The following MPPED1 variants were observed in gnomAD, a reference collection of about 807,000 sequenced individuals.
MPPED1 encodes the protein metallophosphoesterase domain containing 1, also known as metallophosphoesterase domain-containing protein 1.
MPPED1 carries 16 observed loss-of-function variants against 36.2 expected under a neutral mutation model. The observed-to-expected ratio is 0.44, with a 90% CI of 0.30 to 0.67. The LOEUF is 0.67. Ranked by LOEUF, MPPED1 falls within the 30% of genes least tolerant of loss-of-function variation. MPPED1 has a pLI of 0.10. For synonymous variants in MPPED1, 199 were observed against 191.3 expected (o/e 1.04, Z -0.33); for missense variants, 307 against 453.4 (o/e 0.68, Z 2.93).
chr22:43,499,621 T>TGGC (rs1932568150), intron 5 of MPPED1, among the ~76,000 whole-genome samples: 2 of 65,342 alleles, frequency 3.1e-5, no homozygotes, highest in Admixed American at 1.9e-4. Context: ...GTGATGGTGG[T>TGGC]GGTGATGATG....
chr22:43,496,292 G>A (rs1237710649), intron 4 of MPPED1, among the ~76,000 whole-genome samples: 17 of 52,684 alleles, frequency 3.2e-4, no homozygotes, highest in East Asian at 7.1e-4. Context: ...GGTGGTGGAG[G>A]TGGTGGTGGA....
rs1169630021 is a variant in MPPED1, at chr22:43,471,325, C to A, written c.407-3411C>A. Among the ~76,000 whole-genome samples the A allele has an allele frequency of 2.0e-5, 3 of 152,216 alleles. No homozygotes were observed. The East Asian group carries it at 5.8e-4, about 29-fold the overall frequency. On this transcript the variant is annotated intron_variant, in intron 3 of 6. Transcript: ENST00000443721. ...AGGCAGCGATGGTGGCCACCCCCAACCCGAGCTGGGGGCTCTGGCTGCCTC... is the reference window on the plus strand; with the variant it reads ...AGGCAGCGATGGTGGCCACCCCCAAACCGAGCTGGGGGCTCTGGCTGCCTC...
chr22:43,421,649 G>T (rs1929279561), intron 1 of MPPED1, among the ~76,000 whole-genome samples: 1 of 152,210 alleles, frequency 6.6e-6, no homozygotes, highest in South Asian at 2.1e-4. Context: ...CCAAGCCTCT[G>T]CTGGGCACCA....
At chr22:43,462,764 T>C (rs892266196) in intron 3 of MPPED1, among the ~76,000 whole-genome samples, 2 of 152,170 alleles carry the variant, frequency 1.3e-5, no homozygotes, top group Admixed American at 1.3e-4. Flanking sequence ...CCTGCTCCCA[T>C]TGGGACTGAT....
Position 43,498,280 on chromosome 22 carries a change from A to G in MPPED1, c.678A>G (p.Gln226=). ...YGWGFNLPRG[Q]ALLEKWNLIP... ...GGGGCTTCAACCTCCCGCGAGGCCA[A>G]GCCCTGCTGGAGAAATGGAACCTCA... The change falls in exon 5 of 7, where the codon CAA becomes CAG. Residue 226 remains glutamine (Q), a synonymous_variant. Transcript: ENST00000443721. 2 of 1,535,298 alleles carry G rather than the reference A, an allele frequency of 1.3e-6. No individual in the cohort carries two copies. Among genetic ancestry groups the G allele is most frequent in the Non-Finnish European group, 1.7e-6 (2 of 1,146,526 alleles).
rs913407433 is a variant in MPPED1, at chr22:43,493,167, A to G, written c.633-5068A>G. ...CAGGGTGGGGCAGTGGGGAGAGAAC[A>G]TCAGATCTGGGTTTGAGAATGACTT... On this transcript the variant is annotated intron_variant, in intron 4 of 6. Transcript: ENST00000443721. Among the ~76,000 whole-genome samples the G allele has an allele frequency of 3.7e-4, 57 of 152,178 alleles. 1 individual carries two copies. Among genetic ancestry groups the G allele is most frequent in the Non-Finnish European group, 5.0e-4 (34 of 68,026 alleles).
intron 2 of MPPED1, among the ~76,000 whole-genome samples, chr22:43,425,683 G>A (rs753187305): frequency 3.3e-5 from 5 of 152,232 alleles, no homozygotes; most frequent in Admixed American, 6.5e-5. Flanking sequence ...GAAGGGGCTC[G>A]CCACAAGCCC....
At chr22:43,475,095 C>A in intron 4 of MPPED1, 134 bp downstream of exon 4, 1 of 749,426 alleles carries the variant, frequency 1.3e-6, no homozygotes, top group Non-Finnish European at 2.2e-6. Flanking sequence ...GACCCCTTAC[C>A]CTCTGTGTGA....
At chr22:43,446,391 A>T (rs909098584) in intron 3 of MPPED1, among the ~76,000 whole-genome samples, 3 of 152,146 alleles carry the variant, frequency 2.0e-5, no homozygotes, top group Admixed American at 2.0e-4. Context: ...AACAGCTGTC[A>T]TATGATGGGG....
chr22:43,483,426 G>A (rs1931811492), intron 4 of MPPED1, among the ~76,000 whole-genome samples: 1 of 152,220 alleles, frequency 6.6e-6, no homozygotes, highest in Admixed American at 6.5e-5. Flanking sequence ...AAGGCGGCCG[G>A]TGATGCCACC....
chr22:43,505,592 C>T lies in MPPED1; in HGVS notation c.957C>T (p.Asp319=). The change falls in exon 7 of 7, where the codon GAC becomes GAT. Residue 319 remains aspartate (D), a synonymous_variant. Transcript: ENST00000443721. ...CCGTGAACCCGCCCATAGTCATCGA[C>T]CTCCCCACACCCCGGAACTCCTGAC... The part of the protein sequence containing the change: ...YQPVNPPIVI[D]LPTPRNS The T allele has an allele frequency of 6.2e-7, 1 of 1,611,712 alleles. No individual in the cohort carries two copies.
At chr22:43,500,457 G>GTGGTGGTGATGGTGA (rs1932699594) in intron 5 of MPPED1, among the ~76,000 whole-genome samples, 1 of 149,068 alleles carries the variant, frequency 6.7e-6, no homozygotes, top group Non-Finnish European at 1.5e-5. Context: ...GACGGAGGTG[G>GTGGTGGTGATGGTGA]TGGAGGTGGT....
chr22:43,425,435 A>G (rs1929433523), intron 2 of MPPED1, among the ~76,000 whole-genome samples: 1 of 152,206 alleles, frequency 6.6e-6, no homozygotes, highest in Admixed American at 6.5e-5. Flanking sequence ...GTCCTGTTTC[A>G]CTTGGCCAGG....
chr22:43,433,446 ATGAGTGAGTG>A (rs1929837535), intron 2 of MPPED1, among the ~76,000 whole-genome samples: 2 of 149,302 alleles, frequency 1.3e-5, no homozygotes, highest in Non-Finnish European at 3.0e-5. Flanking sequence ...GAATGAGTGA[ATGAGTGAGTG>A]AATGAGTGAA....
In MPPED1 at chr22:43,474,705, G is replaced by T; in HGVS notation, c.407-31G>T. Reference sequence around the variant, plus strand: ...CTTCTGGACAAGCTGACGGCTGTGTGCTGTGTGTCTGTCTGTGTCCACCCC... The same window carrying T: ...CTTCTGGACAAGCTGACGGCTGTGTTCTGTGTGTCTGTCTGTGTCCACCCC... On this transcript the variant is annotated intron_variant, in intron 3 of 6. Transcript: ENST00000443721. This position sits in a 1 kb window ranked among gnomAD's most constrained non-coding sequence, Gnocchi z 5.2. The T allele has an allele frequency of 6.2e-7, 1 of 1,608,730 alleles. No homozygotes were observed. Among genetic ancestry groups the T allele is most frequent in the South Asian group, 1.1e-5 (1 of 90,956 alleles).
intron 5 of MPPED1, 66 bp downstream of exon 5, chr22:43,498,416 G>C: frequency 1.5e-6 from 2 of 1,306,852 alleles, no homozygotes; most frequent in Non-Finnish European, 2.1e-6. Flanking sequence ...TCTGGGATGG[G>C]GGGCTGGCTG....
At chr22:43,459,177 C>G (rs1207015051) in intron 3 of MPPED1, among the ~76,000 whole-genome samples, 1 of 152,092 alleles carries the variant, frequency 6.6e-6, no homozygotes, top group Non-Finnish European at 1.5e-5. Flanking sequence ...CAGGTTAAAG[C>G]AATTCTTGTG....
chr22:43,499,292 T>G (rs1387466854), intron 5 of MPPED1, among the ~76,000 whole-genome samples: 18 of 87,436 alleles, frequency 2.1e-4, no homozygotes, highest in Admixed American at 5.0e-4. Flanking sequence ...TGGTGATGGA[T>G]GTGATGGTGG....
chr22:43,437,366 T>C (rs1339961048), intron 3 of MPPED1, among the ~76,000 whole-genome samples: 5 of 151,034 alleles, frequency 3.3e-5, no homozygotes, highest in Admixed American at 6.6e-5. Flanking sequence ...TTAATCCTCC[T>C]GACAATGAGG....
Sources: allele counts gnomAD v4.1 joint callset (sites outside exome capture counted in the v4.1 genomes callset), GRCh38; gene constraint gnomAD v4.1.1; non-coding constraint Gnocchi (gnomAD v3.1); transcripts MANE v1.5; gene names NCBI Gene and HGNC (gene_info 2026-07-23, HGNC 2026-07-21).